SGIP1: variants seen among roughly 807,000 people sequenced by gnomAD.
SGIP1 encodes SH3-containing GRB2-like protein 3-interacting protein 1.
Under a neutral mutation model 107.5 loss-of-function variants are expected in SGIP1, and 38 were observed. The observed-to-expected ratio is 0.35, with a 90% confidence interval of 0.27 to 0.46. The LOEUF is 0.46. Among genes scored for constraint, SGIP1 ranks in the 20% least tolerant of loss-of-function variants. The probability of loss-of-function intolerance (pLI) is 1.00; values close to 1 mark genes in which losing one functional copy is unlikely to be tolerated. For synonymous variants in SGIP1, 365 were observed against 366.1 expected, an observed-to-expected ratio of 1.00 and a Z score of 0.03; for missense variants, 929 against 1,019.5, an observed-to-expected ratio of 0.91 and a Z score of 1.21.
At chr1:66,637,822 T>G (rs2076079993) in intron 4 of SGIP1, among the ~76,000 whole-genome samples, 1 of 150,204 alleles carries the variant, frequency 6.7e-6, no homozygotes, top group African/African-American at 2.4e-5. Flanking sequence ...TATGTATATA[T>G]GTGTGTACAT....
intron 9 of SGIP1, among the ~76,000 whole-genome samples, chr1:66,668,782 C>T (rs903711971): frequency 6.6e-6 from 1 of 152,178 alleles, no homozygotes; most frequent in African/African-American, 2.4e-5. Flanking sequence ...TAAGTGACAT[C>T]ACAGATTATG....
intron 1 of SGIP1, among the ~76,000 whole-genome samples, chr1:66,588,417 G>A (rs1007750515): frequency 1.3e-5 from 2 of 152,062 alleles, no homozygotes; most frequent in Non-Finnish European, 2.9e-5. Context: ...TCACTGGACT[G>A]TGGAAGAAAA....
chr1:66,601,011 T>C (rs1048223657), intron 1 of SGIP1, among the ~76,000 whole-genome samples: 7 of 152,050 alleles, frequency 4.6e-5, no homozygotes, highest in African/African-American at 1.7e-4. Flanking sequence ...AAACGACTTC[T>C]CCACATGAAC....
chr1:66,678,285 G>A (rs1236257094), intron 13 of SGIP1, among the ~76,000 whole-genome samples: 1 of 152,176 alleles, frequency 6.6e-6, no homozygotes, highest in African/African-American at 2.4e-5. Context: ...GAAAGTAAAT[G>A]AATTGTTTAT....
intron 21 of SGIP1, among the ~76,000 whole-genome samples, chr1:66,734,608 G>A (rs2094152709): frequency 1.3e-5 from 2 of 150,988 alleles, no homozygotes; most frequent in Admixed American, 1.3e-4. Context: ...GTGTTCAAGC[G>A]ATTCTCCTGC....
chr1:66,668,440 C>G (rs192517023), intron 9 of SGIP1, among the ~76,000 whole-genome samples: 6 of 152,124 alleles, frequency 3.9e-5, no homozygotes, highest in African/African-American at 1.4e-4. Flanking sequence ...CCACCTGCCT[C>G]GACCTCCCAA....
rs376114438 is a variant in SGIP1, at chr1:66,661,664, C to A, written c.471+1140C>A. 1.5e-4 allele frequency among the ~76,000 whole-genome samples: 23 copies of A among 152,170 alleles called. 1 individual carries two copies. The highest frequency in any genetic ancestry group is 9.8e-4 in the Admixed American group (15 of 15,272). ...GTGGCAGCAAAATATTACTGGTGCT[C>A]TTTAACAGCCTTTTCTTACCCTTTA... is the stretch of plus-strand genomic sequence containing the variant. On this transcript the variant is annotated intron_variant, in intron 8 of 24. Coordinates refer to ENST00000371037, the MANE Select transcript of SGIP1 (RefSeq NM_032291.4).
intron 1 of SGIP1, among the ~76,000 whole-genome samples, chr1:66,543,347 A>C (rs2055485643): frequency 6.6e-6 from 1 of 152,204 alleles, no homozygotes; most frequent in Non-Finnish European, 1.5e-5. Flanking sequence ...GGCTGTTATC[A>C]TGAAAACATG....
Position 66,741,313 on chromosome 1 carries a change from C to T in SGIP1, c.2341C>T (p.Pro781Ser). ...GGCAAGATTTCAGTTATCTGAAGGC[C>T]CAAGCAAACCTTCTCCATTGGTTGT... Reference protein sequence around the residue: ...LLARFQLSEGPSKPSPLVVQF... With the variant: ...LLARFQLSEGSSKPSPLVVQF... Residue 781 changes from proline to serine, a missense_variant, in exon 24 of 25, where the codon CCA becomes TCA. Transcript: ENST00000371037. 1 of 1,602,058 alleles carries T rather than the reference C, an allele frequency of 6.2e-7. No homozygotes were observed. The highest frequency in any genetic ancestry group is 8.5e-7 in the Non-Finnish European group (1 of 1,174,454).
intron 1 of SGIP1, among the ~76,000 whole-genome samples, chr1:66,582,698 CT>C (rs1420261350): frequency 1.3e-5 from 2 of 151,770 alleles, no homozygotes; most frequent in Admixed American, 1.3e-4. Context: ...TTACACATGG[CT>C]TTTTTTAGAT....
intron 18 of SGIP1, among the ~76,000 whole-genome samples, chr1:66,702,294 G>A (rs149143015): frequency 2.0e-5 from 3 of 152,190 alleles, no homozygotes; most frequent in African/African-American, 4.8e-5. Context: ...GGTTAAATAC[G>A]TTGAAAGGGA....
In SGIP1 at chr1:66,639,818, T is replaced by A. The variant is rs201045046; in HGVS notation, c.213T>A (p.Ile71=). Residue 71 remains isoleucine (I), a synonymous_variant, in exon 5 of 25, where the codon ATT becomes ATA. Coordinates refer to ENST00000371037, the MANE Select transcript of SGIP1 (RefSeq NM_032291.4). ...CACCAAATGGATTTTATGCGGAAAT[T>A]GATTGGGAAAGATATGTGAGTATCA... ...NGAPNGFYAE[I]DWERYNSPEL... 3 of 1,612,090 alleles carry A rather than the reference T, an allele frequency of 1.9e-6. No homozygotes were observed. Among genetic ancestry groups the A allele is most frequent in the Middle Eastern group, 1.7e-4 (1 of 6,046 alleles).
At chr1:66,694,653 A>G (rs2146904) in intron 17 of SGIP1, 302,941 of 491,568 alleles carry the variant, frequency 0.62, 96,840 homozygotes, top group East Asian at 1. Context: ...ACTGTTCATC[A>G]TGGAACTCGT....
At chr1:66,601,756 T>G (rs907811069) in intron 1 of SGIP1, among the ~76,000 whole-genome samples, 4 of 152,216 alleles carry the variant, frequency 2.6e-5, no homozygotes, top group Non-Finnish European at 5.9e-5. Context: ...CTATTCTTCC[T>G]GTATGTAAGG....
At position 66,746,473 on chromosome 1, in the gene SGIP1, A is replaced by G. The variant is rs2094554321; in HGVS notation, c.*3378A>G. On this transcript the variant is annotated 3_prime_UTR_variant, in exon 25 of 25. Transcript: ENST00000371037. The stretch of plus-strand genomic sequence containing the variant: ...CCAACTCTGAAGTTCCACAGTTGTA[A>G]TTTACTCAGATAAACCACCTTTTGA... The G allele has an allele frequency of 6.6e-6, 1 of 152,154 alleles. No homozygotes were observed. The allele number at this position is 152,154 out of a possible 1,614,324, so 9.4% of individuals were successfully genotyped here. A position where few individuals can be genotyped will look rare whatever the true frequency, so the allele number is the denominator to read the frequency against.
chr1:66,726,707 C>T (rs189819544), intron 19 of SGIP1, among the ~76,000 whole-genome samples: 1 of 152,322 alleles, frequency 6.6e-6, no homozygotes, highest in Admixed American at 6.5e-5. Flanking sequence ...ACAAAATGAA[C>T]TGAGATCCAT....
At chr1:66,651,020 G>T (rs541710140) in intron 7 of SGIP1, among the ~76,000 whole-genome samples, 1 of 152,200 alleles carries the variant, frequency 6.6e-6, no homozygotes, top group South Asian at 2.1e-4. Context: ...TGTAAAATAA[G>T]GTTAATAATA....
At chr1:66,545,339 T>C (rs1571096023) in intron 1 of SGIP1, among the ~76,000 whole-genome samples, 1 of 152,274 alleles carries the variant, frequency 6.6e-6, no homozygotes, top group East Asian at 1.9e-4. Context: ...ATGGAAACAG[T>C]CTGTTCTGAC....
At chr1:66,732,987 C>A (rs1056494152) in intron 20 of SGIP1, among the ~76,000 whole-genome samples, 1 of 152,168 alleles carries the variant, frequency 6.6e-6, no homozygotes, top group African/African-American at 2.4e-5. Context: ...TTTGTACACT[C>A]TTGCCTGATT....
Sources: gnomAD v4.1 joint callset for allele counts (sites outside exome capture counted in the v4.1 genomes callset) on GRCh38, gnomAD v4.1.1 for gene constraint, MANE v1.5 for transcripts, NCBI Gene and HGNC (gene_info 2026-07-23, HGNC 2026-07-21) for gene names.